Variants in DCLK1 observed in about 807,000 individuals in gnomAD.
The protein encoded by DCLK1 is doublecortin like kinase 1.
In DCLK1, 16 loss-of-function variants were observed where a neutral mutation model predicts 86.2. The observed-to-expected ratio is 0.19, with a 90% CI of 0.13 to 0.28. The LOEUF (loss-of-function observed/expected upper bound fraction) is 0.28, where lower values mean the gene tolerates loss of function less well. Among genes scored for constraint, DCLK1 ranks in the 10% least tolerant of loss-of-function variants. The probability of loss-of-function intolerance (pLI) is 1.00; values close to 1 mark genes in which losing one functional copy is unlikely to be tolerated. For synonymous variants in DCLK1, 369 were observed against 370.5 expected (o/e 1.00, Z 0.05); for missense variants, 590 against 940.2 (o/e 0.63, Z 4.87).
intron 4 of DCLK1, among the ~76,000 whole-genome samples, chr13:35,898,443 G>A (rs562865713): frequency 6.6e-6 from 1 of 152,132 alleles, no homozygotes; most frequent in Admixed American, 6.5e-5. Context: ...ATGAATGAGA[G>A]GAAACATCAG....
Position 35,772,266 on chromosome 13 carries a change from G to C in DCLK1, c.*2269C>G, listed in dbSNP as rs1593572948. On this transcript the variant is annotated 3_prime_UTR_variant, in exon 17 of 17. Coordinates refer to ENST00000360631, the MANE Select transcript of DCLK1 (RefSeq NM_001330071.2). Reference sequence around the variant, plus strand: ...GTCCAGAGTCCCCCTAGACGTCGATGGGAAAAGGCCTGAGCCATGCACCGC... The same window carrying C: ...GTCCAGAGTCCCCCTAGACGTCGATCGGAAAAGGCCTGAGCCATGCACCGC... The C allele has an allele frequency of 6.6e-6, 1 of 152,248 alleles. No individual in the cohort carries two copies. Among genetic ancestry groups the C allele is most frequent in the East Asian group, 1.9e-4 (1 of 5,172 alleles). 9.4% of individuals were successfully genotyped at this position (152,248 alleles called of 1,614,324 possible).
chr13:36,085,284 C>A (rs1237367596), intron 3 of DCLK1, among the ~76,000 whole-genome samples: 3 of 152,038 alleles, frequency 2.0e-5, no homozygotes, highest in Non-Finnish European at 4.4e-5. Context: ...AGCAAATGGA[C>A]CCTTTGTAGA....
chr13:35,937,625 G>C (rs1192359794), intron 4 of DCLK1, among the ~76,000 whole-genome samples: 1 of 152,064 alleles, frequency 6.6e-6, no homozygotes, highest in Non-Finnish European at 1.5e-5. Context: ...ACTATCTTAG[G>C]AGGGACCAGA....
At chr13:35,808,408 C>T in intron 13 of DCLK1, 88 bp from the exon 14 acceptor site, 2 of 1,052,360 alleles carry the variant, frequency 1.9e-6, no homozygotes, top group South Asian at 2.5e-5. Flanking sequence ...GGAGCCCTTC[C>T]TTTCCCCCCA....
chr13:35,788,117 T>C, intron 16 of DCLK1: 1 of 1,182,510 alleles, frequency 8.5e-7, no homozygotes. Context: ...GGATAACAAA[T>C]CAAAAGCATG....
intron 4 of DCLK1, among the ~76,000 whole-genome samples, chr13:35,888,014 T>C (rs1460703746): frequency 6.6e-6 from 1 of 152,138 alleles, no homozygotes; most frequent in Non-Finnish European, 1.5e-5. Context: ...TTTCTTCTTT[T>C]TATATTCTTT....
intron 4 of DCLK1, among the ~76,000 whole-genome samples, chr13:35,907,563 C>A (rs1874755855): frequency 6.6e-6 from 1 of 152,154 alleles, no homozygotes; most frequent in Non-Finnish European, 1.5e-5. Flanking sequence ...TTCTGTGATT[C>A]CCAAATAAAA....
intron 3 of DCLK1, among the ~76,000 whole-genome samples, chr13:36,050,986 C>A (rs903333888): frequency 6.6e-6 from 1 of 152,094 alleles, no homozygotes; most frequent in African/African-American, 2.4e-5. Context: ...AAGCCATTCA[C>A]AACAATGATA....
rs1320913388 is a variant in DCLK1, at chr13:35,871,353, C to T, written c.824-13G>A. The T allele has an allele frequency of 6.3e-7, 1 of 1,599,826 alleles. No homozygotes were observed. Among genetic ancestry groups the T allele is most frequent in the Non-Finnish European group, 8.6e-7 (1 of 1,167,952 alleles). On this transcript the variant is annotated splice_polypyrimidine_tract_variant and intron_variant, in intron 4 of 16. Coordinates refer to ENST00000360631, the MANE Select transcript of DCLK1 (RefSeq NM_001330071.2). ...ACCACTCGACATTCTGGGGAAAGAA[C>T]AAAAACCACACATCATTATGGGGTA...
intron 3 of DCLK1, among the ~76,000 whole-genome samples, chr13:35,989,428 C>T (rs1880107889): frequency 6.6e-6 from 1 of 152,044 alleles, no homozygotes; most frequent in Non-Finnish European, 1.5e-5. Flanking sequence ...CTCACCACCA[C>T]ACCCGGCTAA....
intron 3 of DCLK1, among the ~76,000 whole-genome samples, chr13:35,985,931 GAAAAGTA>G (rs1038428221): frequency 6.6e-6 from 1 of 152,144 alleles, no homozygotes; most frequent in African/African-American, 2.4e-5. Context: ...CAGATTTAAG[GAAAAGTA>G]AAAAGTCCAA....
At chr13:35,927,541 C>T (rs1405365815) in intron 4 of DCLK1, among the ~76,000 whole-genome samples, 4 of 152,200 alleles carry the variant, frequency 2.6e-5, no homozygotes, top group African/African-American at 9.7e-5. Flanking sequence ...ATTCTCATTA[C>T]AGAATTAGCG....
chr13:35,813,730 C>CTTTTTTTTTT (rs35366486), intron 11 of DCLK1, among the ~76,000 whole-genome samples: 1 of 105,446 alleles, frequency 9.5e-6, no homozygotes, highest in Non-Finnish European at 1.9e-5. Flanking sequence ...CCCCGCCCCG[C>CTTTTTTTTTT]TTTTTTTTTT....
chr13:36,045,377 T>TATATATATATATATATCTATATATAC (rs568110221), intron 3 of DCLK1, among the ~76,000 whole-genome samples: 1 of 125,080 alleles, frequency 8.0e-6, no homozygotes, highest in African/African-American at 2.9e-5. Flanking sequence ...TATATATATA[T>TATATATATATATATATCTATATATAC]TTCAAGGTAA....
At chr13:36,116,241 C>T (rs1290772776) in intron 2 of DCLK1, among the ~76,000 whole-genome samples, 7 of 152,138 alleles carry the variant, frequency 4.6e-5, no homozygotes, top group Admixed American at 6.6e-5. Context: ...TGAGCCACCG[C>T]GACTGGCCTG....
intron 6 of DCLK1, chr13:35,849,369 AT>A (rs1670817036): frequency 1.0e-6 from 1 of 985,098 alleles, no homozygotes; most frequent in Admixed American, 6.2e-5. Context: ...GAAAAAAAAA[AT>A]CATGTAAAAG....
At chr13:36,013,996 T>C (rs1178367579) in intron 3 of DCLK1, among the ~76,000 whole-genome samples, 4 of 152,148 alleles carry the variant, frequency 2.6e-5, no homozygotes, top group African/African-American at 7.2e-5. Context: ...ACCCCTTTCT[T>C]TGACTCGGAA....
At chr13:35,871,161 A>C in intron 5 of DCLK1, 63 bp downstream of exon 5, 1 of 1,360,522 alleles carries the variant, frequency 7.4e-7, no homozygotes, top group Non-Finnish European at 1.0e-6. Context: ...GGCTTCACAC[A>C]CCCTCTGCTC....
intron 15 of DCLK1, among the ~76,000 whole-genome samples, chr13:35,795,962 A>G (rs540542051): frequency 2.0e-4 from 31 of 151,990 alleles, no homozygotes; most frequent in Non-Finnish European, 3.7e-4. Flanking sequence ...CAAAAAACCA[A>G]CAACAACTGG....
Sources: gnomAD v4.1 joint callset for allele counts (sites outside exome capture counted in the v4.1 genomes callset) on GRCh38, gnomAD v4.1.1 for gene constraint, MANE v1.5 for transcripts, NCBI Gene and HGNC (gene_info 2026-07-23, HGNC 2026-07-21) for gene names.